XKR9: variants seen among roughly 807,000 people sequenced by gnomAD.
XKR9 encodes XK-related protein 9.
XKR9 carries 32 observed loss-of-function variants against 32.0 expected under a neutral mutation model. The ratio of observed to expected loss-of-function variants is 1.00; its 90% CI spans 0.76 to 1.34. The LOEUF is 1.34. Among genes scored for constraint, XKR9 ranks in the 40% most tolerant of loss-of-function variants. XKR9 has a pLI of 0.00. For missense variants in XKR9, 546 were observed against 429.7 expected, an observed-to-expected ratio of 1.27 and a Z score of -2.39; for synonymous variants, 168 against 143.4, an observed-to-expected ratio of 1.17 and a Z score of -1.22.
intron 4 of XKR9, among the ~76,000 whole-genome samples, chr8:70,716,027 A>T (rs949240202): frequency 6.6e-6 from 1 of 152,076 alleles, no homozygotes; most frequent in Non-Finnish European, 1.5e-5. Flanking sequence ...AGTAATATAG[A>T]AGAGAGGTGA....
intron 1 of XKR9, chr8:70,670,647 A>C (rs1160448550): frequency 6.6e-6 from 1 of 152,136 alleles, no homozygotes; most frequent in African/African-American, 2.4e-5. Context: ...CAGAGTGGCT[A>C]ATGACATCTG....
chr8:70,854,570 C>T, the XKR9 span, among the ~76,000 whole-genome samples: 884 of 152,054 alleles, frequency 5.8e-3, 11 homozygotes, highest in African/African-American at 0.02. Context: ...CAATTGCTTT[C>T]GGTGTTTTAG....
chr8:70,761,703 A>G (rs1241245463), intron 2 of XKR9, among the ~76,000 whole-genome samples: 1 of 150,778 alleles, frequency 6.6e-6, no homozygotes, highest in African/African-American at 2.4e-5. Flanking sequence ...GTTTAATTAG[A>G]TCTCATTTTT....
At chr8:70,869,292 G>A in the XKR9 span, among the ~76,000 whole-genome samples, 1 of 152,176 alleles carries the variant, frequency 6.6e-6, no homozygotes, top group African/African-American at 2.4e-5. Flanking sequence ...CCAAGACTAG[G>A]TAATTGATAC....
At chr8:71,060,285 T>C in the XKR9 span, among the ~76,000 whole-genome samples, 1 of 152,202 alleles carries the variant, frequency 6.6e-6, no homozygotes, top group Non-Finnish European at 1.5e-5. Flanking sequence ...TTCTAGACCC[T>C]GAGCTGAATG....
At chr8:70,669,908 C>T (rs1238025590) in intron 1 of XKR9, among the ~76,000 whole-genome samples, 4 of 151,992 alleles carry the variant, frequency 2.6e-5, no homozygotes, top group African/African-American at 9.7e-5. Flanking sequence ...CCTCGTGATC[C>T]GCCCGCCTCG....
chr8:70,884,682 G>A, the XKR9 span, among the ~76,000 whole-genome samples: 1 of 152,084 alleles, frequency 6.6e-6, no homozygotes, highest in Non-Finnish European at 1.5e-5. Flanking sequence ...CTTTGTCAGG[G>A]ATCAGTTGGC....
At chr8:70,857,372 A>G in the XKR9 span, among the ~76,000 whole-genome samples, 2 of 152,246 alleles carry the variant, frequency 1.3e-5, no homozygotes, top group African/African-American at 2.4e-5. Context: ...TAGAAAATCT[A>G]GAAGAAATGG....
At chr8:70,969,044 G>C in the XKR9 span, among the ~76,000 whole-genome samples, 1 of 152,262 alleles carries the variant, frequency 6.6e-6, no homozygotes, top group East Asian at 1.9e-4. Flanking sequence ...GCTAGACAGA[G>C]TACAATTTCA....
the XKR9 span, among the ~76,000 whole-genome samples, chr8:70,910,005 G>T: frequency 6.6e-6 from 1 of 151,884 alleles, no homozygotes. Context: ...ACCATGACCG[G>T]CCTGATTTAT....
the XKR9 span, among the ~76,000 whole-genome samples, chr8:70,854,870 C>T: frequency 1.4e-4 from 22 of 152,142 alleles, no homozygotes; most frequent in Non-Finnish European, 1.0e-4. Flanking sequence ...TGTTCTGCTC[C>T]ATTGGTTTAT....
intron 2 of XKR9, among the ~76,000 whole-genome samples, chr8:70,785,263 A>C (rs1452045034): frequency 6.6e-6 from 1 of 151,754 alleles, no homozygotes; most frequent in African/African-American, 2.4e-5. Context: ...GGAATTTATC[A>C]GTTTCTTTTA....
the XKR9 span, among the ~76,000 whole-genome samples, chr8:70,809,047 G>A: frequency 6.6e-6 from 1 of 152,232 alleles, no homozygotes; most frequent in Admixed American, 6.5e-5. Flanking sequence ...GCACCCCCCA[G>A]TAGGGGCAGA....
Position 70,707,018 on chromosome 8 carries a change from C to G in XKR9, c.358C>G (p.Leu120Val). ...TAACTTCGTGGAAGAACAAATTGATCTACATAAAGAAGTTATAGATAGAGT... is the reference window on the plus strand; with the variant it reads ...TAACTTCGTGGAAGAACAAATTGATGTACATAAAGAAGTTATAGATAGAGT... ...TSNFVEEQID[L>V]HKEVIDRVTD... The change falls in exon 4 of 5, where the codon CTA (leucine) becomes GTA (valine). Residue 120 changes from leucine (L) to valine (V), a missense_variant. Transcript: ENST00000408926. 6.2e-7 allele frequency: 1 copy of G among 1,613,270 alleles called. No individual in the cohort carries two copies. Among genetic ancestry groups the G allele is most frequent in the Non-Finnish European group, 8.5e-7 (1 of 1,179,442 alleles).
Position 70,721,607 on chromosome 8 carries a change from C to T in XKR9, c.494-12189C>T, listed in dbSNP as rs189517285. 3.5e-3 allele frequency among the ~76,000 whole-genome samples: 534 copies of T among 152,174 alleles called. 3 individuals are homozygous for T. Among genetic ancestry groups the T allele is most frequent in the African/African-American group, 0.012 (512 of 41,530 alleles). On this transcript the variant is annotated intron_variant, in intron 4 of 4. Transcript: ENST00000408926. The stretch of plus-strand genomic sequence containing the variant: ...GTTGTTCAGTTTCCATGTAGTTTTG[C>T]AGTTTTGAGTGAGTTTCTTAATCCT...
chr8:71,052,050 C>T, the XKR9 span, among the ~76,000 whole-genome samples: 1 of 152,140 alleles, frequency 6.6e-6, no homozygotes, highest in Non-Finnish European at 1.5e-5. Context: ...AATAATGACA[C>T]CATATGTCTG....
At chr8:70,977,460 T>C in the XKR9 span, among the ~76,000 whole-genome samples, 1 of 152,164 alleles carries the variant, frequency 6.6e-6, no homozygotes, top group East Asian at 1.9e-4. Flanking sequence ...TTTGTTCTCA[T>C]GGTTTCAAAG....
At chr8:70,744,087 C>T (rs1306039184) in intron 2 of XKR9, among the ~76,000 whole-genome samples, 2 of 151,814 alleles carry the variant, frequency 1.3e-5, no homozygotes, top group Non-Finnish European at 2.9e-5. Flanking sequence ...GAGGCGGGTG[C>T]ATTACCTGAC....
intron 2 of XKR9, among the ~76,000 whole-genome samples, chr8:70,772,322 A>G (rs1807464336): frequency 1.3e-5 from 2 of 152,314 alleles, no homozygotes; most frequent in South Asian, 4.1e-4. Flanking sequence ...GAGAACACAC[A>G]GGAAAAGATG....
Sources: allele counts gnomAD v4.1 joint callset (sites outside exome capture counted in the v4.1 genomes callset), GRCh38; gene constraint gnomAD v4.1.1; transcripts MANE v1.5; gene names NCBI Gene and HGNC (gene_info 2026-07-23, HGNC 2026-07-21).